The following ESR2 variants were observed in gnomAD, a reference collection of about 807,000 sequenced individuals.
ESR2 encodes the protein estrogen receptor beta.
In ESR2, 36 loss-of-function variants were observed where a neutral mutation model predicts 49.6. The observed-to-expected ratio is 0.73, with a 90% CI of 0.56 to 0.96. The LOEUF is 0.96. Among genes scored for constraint, ESR2 ranks in the 40% least tolerant of loss-of-function variants. The pLI is 0.00. For synonymous variants in ESR2, 320 were observed against 266.1 expected, an observed-to-expected ratio of 1.20 and a Z score of -1.97; for missense variants, 714 against 693.0, an observed-to-expected ratio of 1.03 and a Z score of -0.34.
At chr14:64,238,253 G>A (rs2075647413) in intron 7 of ESR2, among the ~76,000 whole-genome samples, 1 of 152,166 alleles carries the variant, frequency 6.6e-6, no homozygotes, top group Non-Finnish European at 1.5e-5. Flanking sequence ...GGGCAGCACA[G>A]CTCCACCTGG....
At chr14:64,328,051 C>CAAAA (rs748229456) in intron 1 of ESR2, among the ~76,000 whole-genome samples, 1 of 87,126 alleles carries the variant, frequency 1.1e-5, no homozygotes, top group African/African-American at 4.0e-5. Flanking sequence ...ACTAAAAATA[C>CAAAA]AAAAAAAAAA....
At chr14:64,303,656 C>T (rs1596475819) in intron 1 of ESR2, 1 of 152,156 alleles carries the variant, frequency 6.6e-6, no homozygotes, top group Non-Finnish European at 1.5e-5. Flanking sequence ...GTTGATGTCT[C>T]CCTCTAGTGG....
intron 2 of ESR2, among the ~76,000 whole-genome samples, chr14:64,282,316 G>C (rs187634319): frequency 1.1e-3 from 172 of 152,296 alleles, no homozygotes; most frequent in African/African-American, 3.9e-3. Context: ...TTATACTCCA[G>C]TCTGAGTGAC....
intron 3 of ESR2, 96 bp downstream of exon 3, chr14:64,279,885 A>G (rs2076628632): frequency 8.2e-6 from 8 of 974,424 alleles, no homozygotes; most frequent in Admixed American, 5.5e-5. Flanking sequence ...TGTGTGCCAA[A>G]CAGGCCAGTA....
intron 3 of ESR2, among the ~76,000 whole-genome samples, chr14:64,274,218 G>T (rs929736780): frequency 6.6e-6 from 1 of 152,006 alleles, no homozygotes; most frequent in African/African-American, 2.4e-5. Flanking sequence ...AAAGTGCTGG[G>T]ATTATAGGTA....
chr14:64,308,447 C>T (rs2077139822), intron 1 of ESR2, among the ~76,000 whole-genome samples: 1 of 152,018 alleles, frequency 6.6e-6, no homozygotes, highest in African/African-American at 2.4e-5. Context: ...TTTTTTGAAA[C>T]TAATGTGTGA....
Position 64,257,231 on chromosome 14 carries a change from C to T in ESR2, c.1086G>A (p.Leu362=), listed in dbSNP as rs1270843484. ...CACAATGTATTTTTTCTCACCTGTCCAGAACAAGATCTGGAGCAAAGATGA... is the reference window on the plus strand; with the variant it reads ...CACAATGTATTTTTTCTCACCTGTCTAGAACAAGATCTGGAGCAAAGATGA... The part of the protein sequence containing the change: ...GKLIFAPDLV[L]DRDEGKCVEG... Residue 362 remains leucine, a synonymous_variant, in exon 6 of 9, where the codon CTG becomes CTA. Coordinates refer to ENST00000341099, the MANE Select transcript of ESR2 (RefSeq NM_001437.3). The T allele has an allele frequency of 1.2e-6, 2 of 1,614,114 alleles. No individual in the cohort carries two copies. Among genetic ancestry groups the T allele is most frequent in the East Asian group, 4.5e-5 (2 of 44,882 alleles).
intron 1 of ESR2, among the ~76,000 whole-genome samples, chr14:64,283,747 CAAAAAAAAAAAA>C (rs757997424): frequency 1.3e-4 from 6 of 45,550 alleles, no homozygotes; most frequent in Admixed American, 1.0e-3. Context: ...GACCCTGTCT[CAAAAAAAAAAAA>C]AAAAAAAAAA....
At chr14:64,321,946 T>G (rs902019923) in intron 1 of ESR2, among the ~76,000 whole-genome samples, 4 of 152,166 alleles carry the variant, frequency 2.6e-5, no homozygotes, top group Admixed American at 6.5e-5. Context: ...CAAAATCACC[T>G]ATTGGGTACT....
chr14:64,326,987 A>T (rs1420481118), intron 1 of ESR2, among the ~76,000 whole-genome samples: 2 of 152,244 alleles, frequency 1.3e-5, no homozygotes, highest in African/African-American at 4.8e-5. Context: ...CTAGAGTTAA[A>T]CAAGATAACA....
chr14:64,299,757 G>A (rs2077001839), intron 1 of ESR2, among the ~76,000 whole-genome samples: 1 of 152,168 alleles, frequency 6.6e-6, no homozygotes, highest in African/African-American at 2.4e-5. Context: ...AACCTAACCA[G>A]AGAAAGGAAT....
At position 64,264,571 on chromosome 14, in the gene ESR2, T is replaced by C. The variant is rs558433893; in HGVS notation, c.653-3823A>G. Among the ~76,000 whole-genome samples the C allele has an allele frequency of 1.6e-4, 25 of 152,200 alleles. No homozygotes were observed. In the East Asian group the frequency reaches 4.8e-3, roughly 29 times the overall value. ...GCGGTTTGCTGCAAAATGTATAGTT[T>C]TAAAAAGCACCTTTCTGCTAGGCAA... On this transcript the variant is annotated intron_variant, in intron 4 of 8. Coordinates refer to ENST00000341099, the MANE Select transcript of ESR2 (RefSeq NM_001437.3).
In ESR2 at chr14:64,233,054, A is replaced by G. The variant is rs1236513042; in HGVS notation, c.*83T>C. 2.0e-6 allele frequency: 3 copies of G among 1,534,474 alleles called. No individual in the cohort carries two copies. Among genetic ancestry groups the G allele is most frequent in the African/African-American group, 1.4e-5 (1 of 72,774 alleles). On this transcript the variant is annotated 3_prime_UTR_variant, in exon 9 of 9. Coordinates refer to ENST00000341099, the MANE Select transcript of ESR2 (RefSeq NM_001437.3). ...CCAAATGAGGGACCACACAGCAGAA[A>G]GATGAAGCCCAGGCTCCTGACACAC...
intron 7 of ESR2, among the ~76,000 whole-genome samples, chr14:64,245,509 C>CAAAAAAAAAAAA (rs56160081): frequency 1.5e-5 from 1 of 65,460 alleles, no homozygotes; most frequent in Non-Finnish European, 2.6e-5. Flanking sequence ...AAGACTCTGT[C>CAAAAAAAAAAAA]AAAAAAAAAA....
At chr14:64,321,490 C>T (rs771370748) in intron 1 of ESR2, among the ~76,000 whole-genome samples, 13 of 151,960 alleles carry the variant, frequency 8.6e-5, no homozygotes, top group Non-Finnish European at 1.5e-4. Context: ...AAATGATAGA[C>T]ATAAACACAT....
chr14:64,318,511 T>C (rs1481340180), intron 1 of ESR2, among the ~76,000 whole-genome samples: 2 of 103,516 alleles, frequency 1.9e-5, no homozygotes, highest in Non-Finnish European at 1.8e-5. Flanking sequence ...CACTCTAGCC[T>C]GGGCGACAAG....
upstream of ESR2, among the ~76,000 whole-genome samples, chr14:64,295,289 A>G (rs2076942716): frequency 6.6e-6 from 1 of 152,174 alleles, no homozygotes; most frequent in South Asian, 2.1e-4. Context: ...TGTGATCCAG[A>G]TCTCTAATAG....
At chr14:64,310,701 A>G (rs1448967778) in intron 1 of ESR2, among the ~76,000 whole-genome samples, 2 of 152,002 alleles carry the variant, frequency 1.3e-5, no homozygotes, top group Non-Finnish European at 2.9e-5. Flanking sequence ...GGAACTCCTG[A>G]CCTCGTGATC....
chr14:64,301,883 T>A (rs1270977298), intron 1 of ESR2, among the ~76,000 whole-genome samples: 4 of 152,136 alleles, frequency 2.6e-5, no homozygotes, highest in African/African-American at 9.7e-5. Flanking sequence ...ATTGAAGGAC[T>A]TCCCAGGTGT....
Sources: allele counts gnomAD v4.1 joint callset (sites outside exome capture counted in the v4.1 genomes callset), GRCh38; gene constraint gnomAD v4.1.1; transcripts MANE v1.5; gene names NCBI Gene and HGNC (gene_info 2026-07-23, HGNC 2026-07-21).